Variants in ROBO1 observed in about 807,000 individuals in gnomAD.
The protein encoded by ROBO1 is roundabout homolog 1.
In ROBO1, 149 loss-of-function variants were observed where a neutral mutation model predicts 195.9. The observed-to-expected ratio is 0.76, with a 90% CI of 0.67 to 0.87. The LOEUF (loss-of-function observed/expected upper bound fraction) is 0.87, where lower values mean the gene tolerates loss of function less well. Among genes scored for constraint, ROBO1 ranks in the 40% least tolerant of loss-of-function variants. ROBO1 has a pLI of 0.00. For synonymous variants in ROBO1, 816 were observed against 733.2 expected, an observed-to-expected ratio of 1.11 and a Z score of -1.82; for missense variants, 1,933 against 2,068.3, an observed-to-expected ratio of 0.93 and a Z score of 1.27.
At chr3:78,707,416 T>C (rs1349212877) in intron 8 of ROBO1, among the ~76,000 whole-genome samples, 1 of 152,162 alleles carries the variant, frequency 6.6e-6, no homozygotes, top group African/African-American at 2.4e-5. Context: ...CATTAATACT[T>C]AGGGGAAGCA....
intron 2 of ROBO1, among the ~76,000 whole-genome samples, chr3:79,279,345 C>A (rs1365383083): frequency 6.6e-6 from 1 of 152,012 alleles, no homozygotes. Context: ...ATAAATATTT[C>A]TTGATAGAAG....
intron 3 of ROBO1, among the ~76,000 whole-genome samples, chr3:78,962,312 C>A (rs1389400203): frequency 6.6e-6 from 1 of 152,260 alleles, no homozygotes; most frequent in African/African-American, 2.4e-5. Flanking sequence ...AAGATATAAA[C>A]GCAACAGTCT....
rs1279519890 is a variant in ROBO1, at chr3:79,307,628, G to A, written c.89-182089C>T. The stretch of plus-strand genomic sequence containing the variant: ...ATTTATAATATATTAATATCTAAAT[G>A]TTATGGTTCTTATTAGAATTTTTGA... On this transcript the variant is annotated intron_variant, in intron 2 of 30. Coordinates refer to ENST00000464233, the MANE Select transcript of ROBO1 (RefSeq NM_002941.4). Among the ~76,000 whole-genome samples, 4 of 151,858 alleles carry A rather than the reference G, an allele frequency of 2.6e-5. No homozygotes were observed. The East Asian group carries it at 5.8e-4, about 22-fold the overall frequency.
chr3:79,012,560 C>A (rs1176064333), intron 3 of ROBO1, among the ~76,000 whole-genome samples: 2 of 152,214 alleles, frequency 1.3e-5, no homozygotes, highest in Non-Finnish European at 2.9e-5. Context: ...CACAGAGGTA[C>A]TTCTCTCTTT....
intron 1 of ROBO1, among the ~76,000 whole-genome samples, chr3:79,619,757 T>G (rs1323016499): frequency 2.0e-5 from 3 of 152,112 alleles, no homozygotes; most frequent in African/African-American, 7.2e-5. Flanking sequence ...GCAACAACCC[T>G]TAGAAGCTTT....
chr3:79,279,179 T>C (rs1186986656), intron 2 of ROBO1, among the ~76,000 whole-genome samples: 2 of 151,498 alleles, frequency 1.3e-5, no homozygotes, highest in East Asian at 3.9e-4. Context: ...GGCAGGAAAA[T>C]AGCTGGAACC....
chr3:78,776,226 T>C, intron 4 of ROBO1, among the ~76,000 whole-genome samples: 1 of 150,938 alleles, frequency 6.6e-6, no homozygotes, highest in Non-Finnish European at 1.5e-5. Context: ...CATCAGACAC[T>C]TGTGAAGAAA....
intron 2 of ROBO1, among the ~76,000 whole-genome samples, chr3:79,472,855 G>A (rs1011928302): frequency 1.1e-4 from 16 of 152,076 alleles, no homozygotes; most frequent in Non-Finnish European, 1.8e-4. Flanking sequence ...ATTTACTATC[G>A]TGAGTTATCA....
At chr3:79,116,922 G>C (rs2080014849) in intron 3 of ROBO1, among the ~76,000 whole-genome samples, 1 of 152,126 alleles carries the variant, frequency 6.6e-6, no homozygotes, top group South Asian at 2.1e-4. Flanking sequence ...TGTTATTGTT[G>C]CATTACTATT....
At chr3:79,304,637 T>C (rs1391560390) in intron 2 of ROBO1, among the ~76,000 whole-genome samples, 1 of 152,222 alleles carries the variant, frequency 6.6e-6, no homozygotes, top group Non-Finnish European at 1.5e-5. Context: ...TTATTTGCTT[T>C]GGAAGTTTCA....
chr3:79,037,368 C>A (rs1326959975), intron 3 of ROBO1, among the ~76,000 whole-genome samples: 1 of 152,074 alleles, frequency 6.6e-6, no homozygotes, highest in African/African-American at 2.4e-5. Flanking sequence ...CTCCTCTGAA[C>A]CATTACTCCT....
At chr3:79,067,489 G>A (rs1198517449) in intron 3 of ROBO1, among the ~76,000 whole-genome samples, 1 of 151,936 alleles carries the variant, frequency 6.6e-6, no homozygotes, top group South Asian at 2.1e-4. Flanking sequence ...GTAAGATTCT[G>A]AGTCTGTCAA....
chr3:79,394,483 A>C (rs181517957), intron 2 of ROBO1, among the ~76,000 whole-genome samples: 67 of 152,050 alleles, frequency 4.4e-4, no homozygotes, highest in Admixed American at 1.8e-3. Context: ...TTTATATATA[A>C]ACACAATATA....
chr3:79,717,500 C>A (rs983162802), intron 1 of ROBO1, among the ~76,000 whole-genome samples: 2 of 151,922 alleles, frequency 1.3e-5, no homozygotes, highest in Non-Finnish European at 2.9e-5. Context: ...GTGTGTTTGA[C>A]CAATTCGAGC....
chr3:78,945,020 G>A (rs1216207578), intron 3 of ROBO1, among the ~76,000 whole-genome samples: 1 of 152,194 alleles, frequency 6.6e-6, no homozygotes, highest in Non-Finnish European at 1.5e-5. Context: ...AAGCTACCGG[G>A]AAGCTCAAAC....
chr3:78,775,491 T>C (rs1285279927), intron 4 of ROBO1, among the ~76,000 whole-genome samples: 1 of 152,216 alleles, frequency 6.6e-6, no homozygotes, highest in Non-Finnish European at 1.5e-5. Flanking sequence ...CACTAAAGGA[T>C]TGCAGTTATT....
intron 8 of ROBO1, among the ~76,000 whole-genome samples, chr3:78,711,344 C>CTCCTTTATTTCT (rs1451723595): frequency 1.2e-5 from 1 of 84,130 alleles, no homozygotes; most frequent in Non-Finnish European, 2.2e-5. Context: ...TCCTTCCTTC[C>CTCCTTTATTTCT]TTCCTCCTTC....
At chr3:79,408,218 CA>C (rs2037627360) in intron 2 of ROBO1, among the ~76,000 whole-genome samples, 2 of 140,234 alleles carry the variant, frequency 1.4e-5, no homozygotes, top group African/African-American at 5.1e-5. Flanking sequence ...AATTCCGTCT[CA>C]AAAAAATAAA....
intron 2 of ROBO1, among the ~76,000 whole-genome samples, chr3:79,321,501 A>G (rs1214726435): frequency 2.6e-5 from 4 of 152,220 alleles, no homozygotes; most frequent in Non-Finnish European, 4.4e-5. Context: ...CACACTCAAT[A>G]CAAACTCAAT....
Sources: gnomAD v4.1 joint callset for allele counts (sites outside exome capture counted in the v4.1 genomes callset) on GRCh38, gnomAD v4.1.1 for gene constraint, MANE v1.5 for transcripts, NCBI Gene and HGNC (gene_info 2026-07-23, HGNC 2026-07-21) for gene names.